Variants in RGS18 observed in about 807,000 individuals in gnomAD.
RGS18 encodes the protein regulator of G protein signaling 18, also known as regulator of G-protein signaling 18.
A neutral mutation model predicts 27.6 loss-of-function variants in RGS18; 22 were observed. The ratio of observed to expected loss-of-function variants is 0.80; its 90% CI spans 0.57 to 1.14. The LOEUF is 1.14. Among genes scored for constraint, RGS18 ranks in the 50% most tolerant of loss-of-function variants. The pLI is 0.00. For missense variants in RGS18, 299 were observed against 269.6 expected (o/e 1.11, Z -0.76); for synonymous variants, 89 against 84.6 (o/e 1.05, Z -0.29).
At chr1:192,183,941 A>G (rs528617518) in intron 4 of RGS18, among the ~76,000 whole-genome samples, 2 of 151,726 alleles carry the variant, frequency 1.3e-5, no homozygotes, top group South Asian at 4.1e-4. Context: ...GGGAGCAGTT[A>G]TCTCACATTT....
chr1:192,169,094 T>TA (rs962930553), intron 3 of RGS18: 1 of 152,218 alleles, frequency 6.6e-6, no homozygotes, highest in African/African-American at 2.4e-5. Flanking sequence ...AATTATAGGT[T>TA]AAAAAGTTAT....
Position 192,178,217 on chromosome 1 carries a change from C to T in RGS18, c.284-3075C>T, listed in dbSNP as rs561498726. 2.6e-5 allele frequency among the ~76,000 whole-genome samples: 4 copies of T among 151,464 alleles called. No homozygotes were observed. The South Asian group carries it at 6.2e-4, about 24-fold the overall frequency. On this transcript the variant is annotated intron_variant, in intron 3 of 4. Coordinates refer to ENST00000367460, the MANE Select transcript of RGS18 (RefSeq NM_130782.3). ...CCCGTTTATATCCCTGAGTGGATAG[C>T]GTCATTAAATGGGAAATGTATGCAG...
chr1:192,158,714 A>C lies in RGS18; in HGVS notation c.77A>C (p.His26Pro). The C allele has an allele frequency of 6.3e-7, 1 of 1,579,900 alleles. No individual in the cohort carries two copies. Among genetic ancestry groups the C allele is most frequent in the Non-Finnish European group, 8.6e-7 (1 of 1,167,332 alleles). Residue 26 changes from histidine to proline, a missense_variant, in exon 1 of 5, where the codon CAT becomes CCT. Physicochemically the swap from His to Pro is moderately conservative, Grantham distance 77 (BLOSUM62 -2). Coordinates refer to ENST00000367460, the MANE Select transcript of RGS18 (RefSeq NM_130782.3). ...GAAAAAACTTTTTTCAAGTTAATAC[A>C]TGGTTCAGGAAAAGAAGAAACAAGC... ...SKEKTFFKLI[H>P]GSGKEETSKE...
chr1:192,159,615 A>G lies in RGS18; in HGVS notation c.221+294A>G, dbSNP rs1037153117. 1.1e-4 allele frequency among the ~76,000 whole-genome samples: 17 copies of G among 152,312 alleles called. No individual in the cohort carries two copies. The South Asian group carries it at 3.3e-3, about 30-fold the overall frequency. On this transcript the variant is annotated intron_variant, in intron 2 of 4. Transcript: ENST00000367460. ...AACCTGATAAAATGCTCATTAATTT[A>G]AGAGTTTTCACAATGCAATATTGTC... is the stretch of plus-strand genomic sequence containing the variant.
At position 192,185,138 on chromosome 1, in the gene RGS18, G is replaced by C. The variant is rs1056814246; in HGVS notation, c.*584G>C. On this transcript the variant is annotated 3_prime_UTR_variant, in exon 5 of 5. Coordinates refer to ENST00000367460, the MANE Select transcript of RGS18 (RefSeq NM_130782.3). ...AGCCAGCAACAGGAACTTTTGTGAAGACACATTCATCTCTACAGAACTTCA... is the reference window on the plus strand; with the variant it reads ...AGCCAGCAACAGGAACTTTTGTGAACACACATTCATCTCTACAGAACTTCA... The C allele has an allele frequency of 1.3e-5, 2 of 152,314 alleles. No individual in the cohort carries two copies. The allele number at this position is 152,314 out of a possible 1,614,324, so 9.4% of individuals were successfully genotyped here.
intron 3 of RGS18, among the ~76,000 whole-genome samples, chr1:192,178,598 G>A (rs1656397940): frequency 6.6e-6 from 1 of 151,446 alleles, no homozygotes; most frequent in South Asian, 2.1e-4. Flanking sequence ...GAAAAAAAAT[G>A]TTCACTAACT....
At chr1:192,163,376 A>G (rs1656106319) in intron 3 of RGS18, 2 of 152,216 alleles carry the variant, frequency 1.3e-5, no homozygotes, top group African/African-American at 4.8e-5. Flanking sequence ...ATTAGTATAT[A>G]ATAATTTCAT....
chr1:192,166,902 C>T (rs1000711832), intron 3 of RGS18, among the ~76,000 whole-genome samples: 1 of 152,146 alleles, frequency 6.6e-6, no homozygotes, highest in African/African-American at 2.4e-5. Flanking sequence ...AACCAGCTCA[C>T]ATTGTTGATA....
chr1:192,181,174 G>C lies in RGS18; in HGVS notation c.284-118G>C, dbSNP rs1656445837. On this transcript the variant is annotated intron_variant, in intron 3 of 4. Coordinates refer to ENST00000367460, the MANE Select transcript of RGS18 (RefSeq NM_130782.3). ...TGTGCAAGATGTGTGCTGCGGTGCT[G>C]CATTAGAGGGAAGATGTAGGTTTTC... 7 of 563,390 alleles carry C rather than the reference G, an allele frequency of 1.2e-5. No homozygotes were observed. The South Asian group carries it at 1.9e-4, about 15-fold the overall frequency. The allele number at this position is 563,390 out of a possible 1,614,324, so 34.9% of individuals were successfully genotyped here.
At chr1:192,180,372 A>G (rs781626715) in intron 3 of RGS18, among the ~76,000 whole-genome samples, 8 of 151,552 alleles carry the variant, frequency 5.3e-5, no homozygotes, top group Non-Finnish European at 1.0e-4. Context: ...TTGAAAAACT[A>G]AGACACAGAA....
chr1:192,166,854 T>C (rs574035376), intron 3 of RGS18, among the ~76,000 whole-genome samples: 1 of 152,186 alleles, frequency 6.6e-6, no homozygotes, highest in Non-Finnish European at 1.5e-5. Context: ...AGTGCACACC[T>C]AAAATATGGA....
chr1:192,165,698 T>C (rs988828085), intron 3 of RGS18, among the ~76,000 whole-genome samples: 7 of 152,208 alleles, frequency 4.6e-5, no homozygotes, highest in Non-Finnish European at 1.0e-4. Flanking sequence ...TTTCTGTAAA[T>C]CTAAATCTAT....
intron 3 of RGS18, among the ~76,000 whole-genome samples, chr1:192,175,197 T>G (rs1268649734): frequency 2.0e-5 from 3 of 151,894 alleles, no homozygotes; most frequent in African/African-American, 7.2e-5. Flanking sequence ...TTCAAAAAAT[T>G]TATATGAGCT....
Position 192,184,440 on chromosome 1 carries a change from T to C in RGS18, c.594T>C (p.Tyr198=). ...CACGTTTTCTGAAATCTGACATCTA[T>C]TTAGACTTGATGGAAGGAAGACCTC... The part of the protein sequence containing the change: ...SYTRFLKSDI[Y]LDLMEGRPQR... The change falls in exon 5 of 5, where the codon TAT becomes TAC. Residue 198 remains tyrosine (Y), a synonymous_variant. Transcript: ENST00000367460. 1 of 1,611,846 alleles carries C rather than the reference T, an allele frequency of 6.2e-7. No individual in the cohort carries two copies. Among genetic ancestry groups the C allele is most frequent in the Non-Finnish European group, 8.5e-7 (1 of 1,178,584 alleles).
chr1:192,177,164 T>C (rs1030862729), intron 3 of RGS18, among the ~76,000 whole-genome samples: 1 of 151,812 alleles, frequency 6.6e-6, no homozygotes, highest in African/African-American at 2.4e-5. Context: ...TAATTAAATG[T>C]TTAATGTCAT....
intron 3 of RGS18, chr1:192,169,828 A>C (rs1656225229): frequency 6.6e-6 from 1 of 152,188 alleles, no homozygotes. Context: ...AATTCTATTA[A>C]AAAATTAGAA....
chr1:192,179,021 C>G (rs1656404081), intron 3 of RGS18, among the ~76,000 whole-genome samples: 1 of 151,260 alleles, frequency 6.6e-6, no homozygotes, highest in Non-Finnish European at 1.5e-5. Flanking sequence ...AAGGAGAAAG[C>G]AAAGGACAGA....
At chr1:192,173,456 G>A (rs184135822) in intron 3 of RGS18, among the ~76,000 whole-genome samples, 14 of 151,542 alleles carry the variant, frequency 9.2e-5, no homozygotes, top group Admixed American at 7.2e-4. Context: ...ATTTATCCTC[G>A]TCTCATAAAA....
At chr1:192,184,220 A>G in intron 4 of RGS18, 77 bp from the exon 5 acceptor site, 3 of 1,347,158 alleles carry the variant, frequency 2.2e-6, no homozygotes, top group Non-Finnish European at 3.1e-6. Flanking sequence ...CCAACATTGC[A>G]TCAGTCCTGT....
Sources: allele counts gnomAD v4.1 joint callset (sites outside exome capture counted in the v4.1 genomes callset), GRCh38; gene constraint gnomAD v4.1.1; transcripts MANE v1.5; gene names NCBI Gene and HGNC (gene_info 2026-07-23, HGNC 2026-07-21).